Variants in SBF2 observed in about 807,000 individuals in gnomAD.
SBF2 encodes myotubularin-related protein 13.
A neutral mutation model predicts 225.2 loss-of-function variants in SBF2; 112 were observed. The observed-to-expected ratio is 0.50, with a 90% CI of 0.43 to 0.58. The LOEUF (loss-of-function observed/expected upper bound fraction) is 0.58, where lower values mean the gene tolerates loss of function less well. Among genes scored for constraint, SBF2 ranks in the 20% least tolerant of loss-of-function variants. The pLI is 0.00. For synonymous variants in SBF2, 763 were observed against 773.3 expected, an observed-to-expected ratio of 0.99 and a Z score of 0.22; for missense variants, 1,996 against 2,206.2, an observed-to-expected ratio of 0.90 and a Z score of 1.91.
intron 2 of SBF2, among the ~76,000 whole-genome samples, chr11:10,177,041 G>A (rs1332093935): frequency 8.6e-5 from 13 of 151,004 alleles, no homozygotes; most frequent in Middle Eastern, 3.2e-3. Flanking sequence ...TTCAATATAC[G>A]CAAATCAATA....
rs530089050 is a variant in SBF2, at chr11:9,942,364, A to T, written c.1860+19593T>A. ...TACTGTGCCCAGCCCATACAGTGTT[A>T]TGAAAGACATTAAAGATCTAGATGT... On this transcript the variant is annotated intron_variant, in intron 16 of 39. Coordinates refer to ENST00000256190, the MANE Select transcript of SBF2 (RefSeq NM_030962.4). Among the ~76,000 whole-genome samples, 3 of 152,338 alleles carry T rather than the reference A, an allele frequency of 2.0e-5. No homozygotes were observed. The East Asian group carries it at 5.8e-4, about 29-fold the overall frequency.
chr11:10,002,097 C>T (rs142633306), intron 7 of SBF2, among the ~76,000 whole-genome samples: 202 of 152,190 alleles, frequency 1.3e-3, no homozygotes, highest in Admixed American at 5.1e-3. Flanking sequence ...TACCAGTGCA[C>T]GGCTACATAT....
chr11:9,899,747 A>G (rs959139220), intron 16 of SBF2, among the ~76,000 whole-genome samples: 1 of 152,160 alleles, frequency 6.6e-6, no homozygotes, highest in Admixed American at 6.5e-5. Context: ...TTTCTAAGGC[A>G]TGGTTAGACC....
intron 2 of SBF2, among the ~76,000 whole-genome samples, chr11:10,088,040 T>C (rs1013153111): frequency 5.3e-5 from 8 of 151,644 alleles, no homozygotes; most frequent in Non-Finnish European, 7.4e-5. Context: ...TTTTTTTTTT[T>C]CCAGACAAGG....
At chr11:10,184,888 G>C (rs12285093) in intron 2 of SBF2, among the ~76,000 whole-genome samples, 1 of 151,956 alleles carries the variant, frequency 6.6e-6, no homozygotes, top group Non-Finnish European at 1.5e-5. Context: ...CACCACGCCC[G>C]GCTAATTTTT....
At chr11:9,793,374 C>T (rs901013935) in intron 33 of SBF2, among the ~76,000 whole-genome samples, 2 of 151,718 alleles carry the variant, frequency 1.3e-5, no homozygotes, top group Non-Finnish European at 2.9e-5. Context: ...AATGGGCTCA[C>T]CTGGGGAGTT....
intron 33 of SBF2, among the ~76,000 whole-genome samples, chr11:9,795,517 T>C (rs1290117249): frequency 1.3e-5 from 2 of 152,238 alleles, no homozygotes; most frequent in Non-Finnish European, 2.9e-5. Flanking sequence ...GCAGGCACCC[T>C]TCCTACCAGA....
chr11:10,129,768 C>G (rs562025496), intron 2 of SBF2, among the ~76,000 whole-genome samples: 168 of 152,164 alleles, frequency 1.1e-3, no homozygotes, highest in Non-Finnish European at 2.0e-3. Flanking sequence ...GTTTGGGAGG[C>G]CAAAACAGGA....
At chr11:9,997,427 T>C (rs571508216) in intron 9 of SBF2, among the ~76,000 whole-genome samples, 93 of 152,350 alleles carry the variant, frequency 6.1e-4, no homozygotes, top group African/African-American at 2.2e-3. Context: ...TAAAGCTTTA[T>C]TTGGCTTGAA....
intron 1 of SBF2, among the ~76,000 whole-genome samples, chr11:10,237,319 C>T (rs1959111803): frequency 6.6e-6 from 1 of 152,120 alleles, no homozygotes; most frequent in African/African-American, 2.4e-5. Context: ...TGCACTCCAG[C>T]CTGAGCAACA....
At chr11:10,183,993 C>T (rs114066921) in intron 2 of SBF2, among the ~76,000 whole-genome samples, 11 of 152,218 alleles carry the variant, frequency 7.2e-5, no homozygotes, top group African/African-American at 2.4e-4. Flanking sequence ...AGATTCTGAA[C>T]GTTCACAACA....
chr11:10,286,418 ACTGCGATCTCG>A (rs61004445), intron 1 of SBF2, among the ~76,000 whole-genome samples: 73,157 of 148,956 alleles, frequency 0.49, 18,250 homozygotes, highest in Non-Finnish European at 0.54. Context: ...ATCTCGGCTC[ACTGCGATCTCG>A]GCTCACTGCA....
chr11:10,300,311 A>C (rs1279008883), intron 1 of SBF2, among the ~76,000 whole-genome samples: 2 of 152,188 alleles, frequency 1.3e-5, no homozygotes, highest in African/African-American at 2.4e-5. Context: ...TATAATATAT[A>C]ATCAGTAAAT....
intron 1 of SBF2, among the ~76,000 whole-genome samples, chr11:10,239,859 A>C (rs539312892): frequency 1.5e-4 from 23 of 152,170 alleles, no homozygotes; most frequent in Non-Finnish European, 2.6e-4. Context: ...ATTATGTTTT[A>C]TGTGTTCATT....
chr11:9,860,792 T>C (rs1207382275), intron 17 of SBF2, among the ~76,000 whole-genome samples: 3 of 152,208 alleles, frequency 2.0e-5, no homozygotes, highest in Non-Finnish European at 2.9e-5. Context: ...TATATTCATA[T>C]AGATAAACTC....
At chr11:10,166,194 A>C (rs571694856) in intron 2 of SBF2, among the ~76,000 whole-genome samples, 48 of 152,362 alleles carry the variant, frequency 3.2e-4, no homozygotes, top group African/African-American at 1.0e-3. Flanking sequence ...AAATTAGATG[A>C]TCACTTGACA....
chr11:9,841,502 C>T (rs1327217248), intron 25 of SBF2, among the ~76,000 whole-genome samples: 2 of 151,072 alleles, frequency 1.3e-5, no homozygotes, highest in East Asian at 3.9e-4. Flanking sequence ...TCACCCAGGG[C>T]ATGCATACAT....
intron 2 of SBF2, among the ~76,000 whole-genome samples, chr11:10,063,553 TTCA>T (rs1210577583): frequency 6.6e-6 from 1 of 151,562 alleles, no homozygotes; most frequent in African/African-American, 2.4e-5. Context: ...AGAGACGGGT[TTCA>T]TCATGTTAGC....
At chr11:10,250,777 C>T (rs1319190173) in intron 1 of SBF2, among the ~76,000 whole-genome samples, 4 of 152,180 alleles carry the variant, frequency 2.6e-5, no homozygotes, top group Admixed American at 2.6e-4. Context: ...AGAAAGACTG[C>T]CCTTGCCATT....
Sources: gnomAD v4.1 joint callset for allele counts (sites outside exome capture counted in the v4.1 genomes callset) on GRCh38, gnomAD v4.1.1 for gene constraint, MANE v1.5 for transcripts, NCBI Gene and HGNC (gene_info 2026-07-23, HGNC 2026-07-21) for gene names.